The following CAPRIN2 variants were observed in gnomAD, a reference collection of about 807,000 sequenced individuals.
CAPRIN2 encodes caprin family member 2.
In CAPRIN2, 66 loss-of-function variants were observed where a neutral mutation model predicts 130.4. The ratio of observed to expected loss-of-function variants is 0.51; its 90% CI spans 0.42 to 0.62. The LOEUF is 0.62. CAPRIN2 is among the 20% of genes least tolerant of loss of function. CAPRIN2 has a pLI of 0.00. For missense variants in CAPRIN2, 1,185 were observed against 1,246.6 expected (o/e 0.95, Z 0.74); for synonymous variants, 471 against 444.1 (o/e 1.06, Z -0.76).
intron 7 of CAPRIN2, among the ~76,000 whole-genome samples, chr12:30,729,667 C>T (rs965976225): frequency 1.3e-5 from 2 of 152,214 alleles, no homozygotes; most frequent in Non-Finnish European, 2.9e-5. Flanking sequence ...CCCCAGTTGA[C>T]TCCCTCAAAC....
chr12:30,728,485 G>A, intron 8 of CAPRIN2, 163 bp downstream of exon 9: 4 of 586,306 alleles, frequency 6.8e-6, no homozygotes, highest in Non-Finnish European at 1.2e-5. Context: ...AATCCAGGAG[G>A]CGGAGGTTAC....
chr12:30,711,124 A>G (rs774480534), intron 16 of CAPRIN2, among the ~76,000 whole-genome samples: 1 of 152,186 alleles, frequency 6.6e-6, no homozygotes, highest in Non-Finnish European at 1.5e-5. Flanking sequence ...AACTTTTAAT[A>G]GTTCCTTCAC....
At chr12:30,753,992 C>T in exon 1 of CAPRIN2, 1 of 500,740 alleles carries the variant, frequency 2.0e-6, no homozygotes, top group Non-Finnish European at 3.6e-6. Context: ...GGACCTAAGG[C>T]TGAGCCACTC....
rs1413819420 is a variant in CAPRIN2 at position 30,710,955 on chromosome 12, T to G, written c.2666-485A>C. Among the ~76,000 whole-genome samples, 1 of 152,242 alleles carries G rather than the reference T, an allele frequency of 6.6e-6. No homozygotes were observed. Among genetic ancestry groups the G allele is most frequent in the African/African-American group, 2.4e-5 (1 of 41,472 alleles). On this transcript the variant is annotated intron_variant, in intron 16 of 16. Transcript: ENST00000298892. The surrounding 1 kb of genome is among the most constrained non-coding windows in gnomAD (Gnocchi z 4.8). ...GTCCCATGATGATGAATGCTTTTTTTATTTCCAAGTCATACACTTGTAATG... is the reference window on the plus strand; with the variant it reads ...GTCCCATGATGATGAATGCTTTTTTGATTTCCAAGTCATACACTTGTAATG...
chr12:30,714,006 C>T, intron 14 of CAPRIN2, 121 bp from the exon 17 acceptor site: 3 of 527,086 alleles, frequency 5.7e-6, no homozygotes, highest in Non-Finnish European at 3.4e-6. Context: ...TAGACTTATG[C>T]CCTCTTTAAG....
chr12:30,750,628 T>C (rs1423224502), intron 2 of CAPRIN2, among the ~76,000 whole-genome samples: 3 of 151,866 alleles, frequency 2.0e-5, no homozygotes, highest in Admixed American at 6.6e-5. Flanking sequence ...GAAGAGACCA[T>C]GAAAGGAATT....
In CAPRIN2 at chr12:30,723,347, G is replaced by A. The variant is rs2059956687; in HGVS notation, c.1988-33C>T. The stretch of plus-strand genomic sequence containing the variant: ...GAGTAAAATAAACAGTAACTACTGA[G>A]GGAAGACAAAAGCTTACGCATATCA... On this transcript the variant is annotated intron_variant, in intron 10 of 16. Transcript: ENST00000298892. 2.7e-6 allele frequency: 4 copies of A among 1,507,572 alleles called. No homozygotes were observed. In the East Asian group the frequency reaches 6.8e-5, roughly 26 times the overall value. 93.4% of individuals were successfully genotyped at this position (1,507,572 alleles called of 1,614,324 possible).
At chr12:30,736,938 C>T (rs1049671590) in intron 3 of CAPRIN2, among the ~76,000 whole-genome samples, 3 of 152,142 alleles carry the variant, frequency 2.0e-5, no homozygotes, top group Non-Finnish European at 2.9e-5. Context: ...GGCCAGTCTC[C>T]CAAGGTAGGA....
In CAPRIN2 at chr12:30,710,995, C is replaced by T. The variant is rs1591877661; in HGVS notation, c.2666-525G>A. Among the ~76,000 whole-genome samples the T allele has an allele frequency of 6.6e-6, 1 of 152,262 alleles. No individual in the cohort carries two copies. Among genetic ancestry groups the T allele is most frequent in the East Asian group, 1.9e-4 (1 of 5,184 alleles). On this transcript the variant is annotated intron_variant, in intron 16 of 16. Coordinates refer to ENST00000298892, the Ensembl canonical transcript of CAPRIN2. This position sits in a 1 kb window ranked among gnomAD's most constrained non-coding sequence, Gnocchi z 4.8. Reference sequence around the variant, plus strand: ...CACTTGTAATGTTTTAAGTGCCATACAAAAACACTGCTCACACTAAGGCAA... The same window carrying T: ...CACTTGTAATGTTTTAAGTGCCATATAAAAACACTGCTCACACTAAGGCAA...
exon 4 of CAPRIN2, chr12:30,735,130 G>T (rs1043258627): frequency 5.0e-6 from 8 of 1,614,150 alleles, no homozygotes; most frequent in Non-Finnish European, 6.8e-6. Flanking sequence ...TTGAAGTATA[G>T]TTCGAAGCTT....
In CAPRIN2 at chr12:30,713,892, A is replaced by G. The variant is rs1279108182; in HGVS notation, c.2501-7T>C. 1 of 1,476,576 alleles carries G rather than the reference A, an allele frequency of 6.8e-7. No individual in the cohort carries two copies. The allele number at this position is 1,476,576 out of a possible 1,614,324, so 91.5% of individuals were successfully genotyped here. On this transcript the variant is annotated splice_region_variant and splice_polypyrimidine_tract_variant and intron_variant, in intron 14 of 16. Transcript: ENST00000298892. The stretch of plus-strand genomic sequence containing the variant: ...CCTCTATAAGTATCAAAACCTAATA[A>G]ATAAACAAACTTACATAAGATTATG...
At chr12:30,748,482 A>T (rs2071883964) in intron 2 of CAPRIN2, among the ~76,000 whole-genome samples, 1 of 152,244 alleles carries the variant, frequency 6.6e-6, no homozygotes, top group Non-Finnish European at 1.5e-5. Context: ...TTTTTGACAC[A>T]GTGCTACTGC....
chr12:30,717,983 T>C (rs933168610), intron 12 of CAPRIN2, among the ~76,000 whole-genome samples: 1 of 152,232 alleles, frequency 6.6e-6, no homozygotes, highest in South Asian at 2.1e-4. Context: ...TGCCTGGTTT[T>C]GTAACTATTC....
chr12:30,754,939 C>G (rs976923858), upstream of CAPRIN2: 2 of 152,512 alleles, frequency 1.3e-5, no homozygotes, highest in Non-Finnish European at 2.9e-5. Context: ...CCGACTCAGC[C>G]GCTCGCGCCC....
chr12:30,735,164 G>C, exon 4 of CAPRIN2: 3 of 1,614,120 alleles, frequency 1.9e-6, no homozygotes. Context: ...TCAAGTTTTA[G>C]CATGTGCTCC....
rs1320151113 is a variant in CAPRIN2, at chr12:30,710,939, T to C, written c.2666-469A>G. ...ATTGATATGGAACTAAGTCCCATGA[T>C]GATGAATGCTTTTTTTATTTCCAAG... On this transcript the variant is annotated intron_variant, in intron 16 of 16. Coordinates refer to ENST00000298892, the Ensembl canonical transcript of CAPRIN2. The surrounding 1 kb of genome is among the most constrained non-coding windows in gnomAD (Gnocchi z 4.8). 1.3e-5 allele frequency among the ~76,000 whole-genome samples: 2 copies of C among 152,228 alleles called. No individual in the cohort carries two copies. The highest frequency in any genetic ancestry group is 2.4e-5 in the African/African-American group (1 of 41,468).
intron 4 of CAPRIN2, 24 bp from the exon 6 acceptor site, chr12:30,733,735 A>G: frequency 1.3e-6 from 2 of 1,565,418 alleles, no homozygotes; most frequent in Non-Finnish European, 1.8e-6. Context: ...GCAGCAGCAG[A>G]ACAAAGTGGC....
intron 2 of CAPRIN2, among the ~76,000 whole-genome samples, chr12:30,743,947 T>C (rs1222215935): frequency 6.6e-6 from 1 of 152,158 alleles, no homozygotes; most frequent in African/African-American, 2.4e-5. Context: ...AAACAGCTGG[T>C]ACCAGACACT....
At chr12:30,736,561 T>C (rs2064915015) in intron 3 of CAPRIN2, among the ~76,000 whole-genome samples, 1 of 152,230 alleles carries the variant, frequency 6.6e-6, no homozygotes, top group African/African-American at 2.4e-5. Context: ...ATTAATCCCT[T>C]CCTAGGGGAT....
Sources: gnomAD v4.1 joint callset for allele counts (sites outside exome capture counted in the v4.1 genomes callset) on GRCh38, gnomAD v4.1.1 for gene constraint, Gnocchi (gnomAD v3.1) non-coding constraint, MANE v1.5 for transcripts, NCBI Gene and HGNC (gene_info 2026-07-23, HGNC 2026-07-21) for gene names.